SPG21: variants seen among roughly 807,000 people sequenced by gnomAD.
SPG21 encodes maspardin.
A neutral mutation model predicts 38.9 loss-of-function variants in SPG21; 26 were observed. The observed-to-expected ratio is 0.67, with a 90% CI of 0.49 to 0.93. The LOEUF is 0.93. SPG21 is among the 40% of genes least tolerant of loss of function. The pLI is 0.00. For synonymous variants in SPG21, 136 were observed against 128.9 expected (o/e 1.05, Z -0.37); for missense variants, 333 against 376.5 (o/e 0.88, Z 0.96).
intron 5 of SPG21, among the ~76,000 whole-genome samples, chr15:64,971,806 G>GA (rs2085671689): frequency 6.6e-6 from 1 of 152,170 alleles, no homozygotes; most frequent in Non-Finnish European, 1.5e-5. Flanking sequence ...ACTCCAGCCT[G>GA]GGCAACAGAG....
chr15:64,972,552 G>C (rs2085687514), intron 5 of SPG21, among the ~76,000 whole-genome samples: 1 of 152,220 alleles, frequency 6.6e-6, no homozygotes. Flanking sequence ...CTAAAAAATA[G>C]CTGGGCACAG....
intron 5 of SPG21, among the ~76,000 whole-genome samples, chr15:64,971,718 C>A (rs1050116567): frequency 6.6e-6 from 1 of 152,096 alleles, no homozygotes; most frequent in African/African-American, 2.4e-5. Flanking sequence ...CGCCTGTAAT[C>A]CCAGCTACTT....
In SPG21 at chr15:64,963,614, G is replaced by C; in HGVS notation, c.*6C>G. On this transcript the variant is annotated 3_prime_UTR_variant, in exon 9 of 9. Transcript: ENST00000204566. ...GGTCAACTCATCATTGACAGCGAGA[G>C]ACACACTACTGCTCCTCCTGGCTGA... 3 of 1,610,706 alleles carry C rather than the reference G, an allele frequency of 1.9e-6. No individual in the cohort carries two copies. The highest frequency in any genetic ancestry group is 1.7e-5 in the Admixed American group (1 of 60,016).
chr15:64,966,874 A>G (rs1440805767), intron 7 of SPG21, among the ~76,000 whole-genome samples: 3 of 150,262 alleles, frequency 2.0e-5, no homozygotes, highest in Admixed American at 6.7e-5. Context: ...ACTCCAGCCT[A>G]GGCAACTGAG....
Position 64,974,600 on chromosome 15 carries a change from A to G in SPG21, c.452+2T>C, listed in dbSNP as rs755390093. ...GAACAAAAAAAGTAATTTTGTTCTT[A>G]CCTGTTTGCAGTCCAAGTTTGGTTG... On this transcript the variant is annotated splice_donor_variant, in intron 5 of 8. Transcript: ENST00000204566. LOFTEE classifies it high-confidence loss of function. 1.2e-4 allele frequency: 200 copies of G among 1,614,066 alleles called. No homozygotes were observed. Among genetic ancestry groups the G allele is most frequent in the Middle Eastern group, 1.6e-4 (1 of 6,082 alleles).
chr15:64,968,340 C>CCAAAA (rs1260971823), intron 7 of SPG21, among the ~76,000 whole-genome samples: 1 of 109,702 alleles, frequency 9.1e-6, no homozygotes, highest in African/African-American at 3.6e-5. Context: ...ACCCTGTTTC[C>CCAAAA]AAAAAAAAAA....
At chr15:64,988,519 A>G (rs941051391) in intron 1 of SPG21, 1 of 152,266 alleles carries the variant, frequency 6.6e-6, no homozygotes, top group Non-Finnish European at 1.5e-5. Context: ...TCACCACAGA[A>G]GTACACAGCT....
chr15:64,976,600 A>T, intron 3 of SPG21, 45 bp from the exon 4 acceptor site: 1 of 1,458,642 alleles, frequency 6.9e-7, no homozygotes, highest in South Asian at 1.2e-5. Context: ...CATAAAAGTA[A>T]AAATGCAACT....
intron 4 of SPG21, among the ~76,000 whole-genome samples, chr15:64,976,270 C>T (rs549867217): frequency 6.6e-6 from 1 of 151,698 alleles, no homozygotes; most frequent in East Asian, 1.9e-4. Flanking sequence ...ACTAAAAATA[C>T]AAAAACTAGC....
In SPG21 at chr15:64,981,008, A is replaced by G. The variant is rs776729004; in HGVS notation, c.81T>C (p.Asp27=). The G allele has an allele frequency of 2.0e-5, 32 of 1,614,062 alleles. No homozygotes were observed. Among genetic ancestry groups the G allele is most frequent in the Non-Finnish European group, 2.7e-5 (32 of 1,180,032 alleles). ...CATAGAGCGACCATATCTTACTGTCATCATCATCCACAATAATCTGGAGGG... is the reference window on the plus strand; with the variant it reads ...CATAGAGCGACCATATCTTACTGTCGTCATCATCCACAATAATCTGGAGGG... ...VPLKKIIVDD[D]DSKIWSLYDA... The change falls in exon 3 of 9, where the codon GAT becomes GAC. Residue 27 remains aspartate (D), a synonymous_variant. Transcript: ENST00000204566.
At chr15:64,978,042 A>G (rs1284407450) in intron 3 of SPG21, among the ~76,000 whole-genome samples, 1 of 149,204 alleles carries the variant, frequency 6.7e-6, no homozygotes, top group Non-Finnish European at 1.5e-5. Flanking sequence ...CATGTTAGCC[A>G]GGATGGTCTC....
At position 64,969,382 on chromosome 15, in the gene SPG21, T is replaced by C. The variant is rs756374998; in HGVS notation, c.562-20A>G. The C allele has an allele frequency of 3.9e-6, 6 of 1,532,442 alleles. No homozygotes were observed. Among genetic ancestry groups the C allele is most frequent in the Non-Finnish European group, 5.4e-6 (6 of 1,105,858 alleles). The allele number at this position is 1,532,442 out of a possible 1,614,324, so 94.9% of individuals were successfully genotyped here. Reference sequence around the variant, plus strand: ...TTCTAGCTGCAGGAAGAAACACAGGTAAAGTTTTTGAAATAATTTTGTTTT... The same window carrying C: ...TTCTAGCTGCAGGAAGAAACACAGGCAAAGTTTTTGAAATAATTTTGTTTT... On this transcript the variant is annotated intron_variant, in intron 6 of 8. Transcript: ENST00000204566.
chr15:64,978,129 C>G (rs894571307), intron 3 of SPG21, among the ~76,000 whole-genome samples: 3 of 151,154 alleles, frequency 2.0e-5, no homozygotes, highest in African/African-American at 7.3e-5. Context: ...CCGCGCCTGG[C>G]CAAGAATTCC....
At chr15:64,981,588 C>T (rs2085888326) in intron 2 of SPG21, 1 of 152,926 alleles carries the variant, frequency 6.5e-6, no homozygotes, top group Non-Finnish European at 1.5e-5. Flanking sequence ...TGCGCCCGGC[C>T]TGGATCCTGT....
Position 64,963,855 on chromosome 15 carries a change from C to T in SPG21, c.811-119G>A, listed in dbSNP as rs964595874. On this transcript the variant is annotated intron_variant, in intron 8 of 8. Transcript: ENST00000204566. ...CACTCCAACCTCCGCCTCCCGGGTT[C>T]ACCCAATTCTCCTGCCTCAGCCTCC... 1.3e-5 allele frequency: 11 copies of T among 824,890 alleles called. No individual in the cohort carries two copies. In the African/African-American group the frequency reaches 1.9e-4, roughly 14 times the overall value. 51.1% of individuals were successfully genotyped at this position (824,890 alleles called of 1,614,324 possible). A position where few individuals can be genotyped will look rare whatever the true frequency, so the allele number is the denominator to read the frequency against.
intron 8 of SPG21, 89 bp downstream of exon 8, chr15:64,965,231 T>C: frequency 6.5e-7 from 1 of 1,538,250 alleles, no homozygotes; most frequent in Non-Finnish European, 9.0e-7. Flanking sequence ...TGTAGTTCAC[T>C]GATTCCCTAA....
intron 7 of SPG21, among the ~76,000 whole-genome samples, chr15:64,965,763 G>A (rs1012664625): frequency 1.3e-5 from 2 of 151,532 alleles, no homozygotes; most frequent in Admixed American, 6.6e-5. Flanking sequence ...GTGCAGTGGT[G>A]TGATCTCGGC....
chr15:64,966,854 G>A (rs1050903405), intron 7 of SPG21, among the ~76,000 whole-genome samples: 6 of 151,948 alleles, frequency 3.9e-5, no homozygotes, highest in Non-Finnish European at 4.4e-5. Context: ...AGCCAAGATC[G>A]CGCCACTGCA....
chr15:64,977,845 TG>T (rs1446096354), intron 3 of SPG21, among the ~76,000 whole-genome samples: 3 of 151,534 alleles, frequency 2.0e-5, no homozygotes, highest in South Asian at 4.2e-4. Context: ...TTGTTTGAAC[TG>T]GGGTCTCGCT....
Sources: gnomAD v4.1 joint callset for allele counts (sites outside exome capture counted in the v4.1 genomes callset) on GRCh38, gnomAD v4.1.1 for gene constraint, MANE v1.5 for transcripts, NCBI Gene and HGNC (gene_info 2026-07-23, HGNC 2026-07-21) for gene names.